PARN: variants seen among roughly 807,000 people sequenced by gnomAD.
The protein encoded by PARN is poly(A)-specific ribonuclease, also known as poly(A)-specific ribonuclease PARN.
Under a neutral mutation model 102.8 loss-of-function variants are expected in PARN, and 71 were observed. The observed-to-expected ratio is 0.69, with a 90% confidence interval of 0.57 to 0.84. The LOEUF is 0.84. PARN is among the 40% of genes least tolerant of loss of function. PARN has a pLI of 0.00. For synonymous variants in PARN, 261 were observed against 252.9 expected, an observed-to-expected ratio of 1.03 and a Z score of -0.30; for missense variants, 782 against 760.9, an observed-to-expected ratio of 1.03 and a Z score of -0.33.
intron 22 of PARN, among the ~76,000 whole-genome samples, chr16:14,479,156 T>C (rs1963239772): frequency 6.6e-6 from 1 of 152,186 alleles, no homozygotes; most frequent in Non-Finnish European, 1.5e-5. Flanking sequence ...TGGTGGCTCA[T>C]ACCTATAATA....
At chr16:14,531,956 G>A (rs1216751794) in intron 21 of PARN, among the ~76,000 whole-genome samples, 1 of 151,602 alleles carries the variant, frequency 6.6e-6, no homozygotes, top group East Asian at 1.9e-4. Flanking sequence ...CCAGCTACTT[G>A]GAAGGCTAAG....
At chr16:14,526,368 G>T (rs960599235) in intron 21 of PARN, among the ~76,000 whole-genome samples, 2 of 151,338 alleles carry the variant, frequency 1.3e-5, no homozygotes, top group Non-Finnish European at 1.5e-5. Flanking sequence ...TAGTACAGAT[G>T]GGGTTTCACC....
At chr16:14,606,050 C>A (rs1971158465) in intron 10 of PARN, among the ~76,000 whole-genome samples, 1 of 152,120 alleles carries the variant, frequency 6.6e-6, no homozygotes, top group South Asian at 2.1e-4. Context: ...GATCAAATGA[C>A]TTACCCTAGG....
chr16:14,451,844 AAAAAAAAAAAAAAAAAAAAAAATAC>A (rs1232755216), intron 22 of PARN, among the ~76,000 whole-genome samples: 2,817 of 56,210 alleles, frequency 0.05, 39 homozygotes, highest in African/African-American at 0.06. Context: ...CCCCGTCTCT[AAAAAAAAAAAAAAAAAAAAAAATAC>A]AAAAAAAAAA....
At chr16:14,507,677 A>G (rs566784116) in intron 21 of PARN, among the ~76,000 whole-genome samples, 7 of 147,208 alleles carry the variant, frequency 4.8e-5, no homozygotes, top group African/African-American at 1.5e-4. Context: ...TGACAGGGGG[A>G]AAAAAAAAAG....
chr16:14,556,258 C>T (rs1481331366), intron 18 of PARN, among the ~76,000 whole-genome samples: 1 of 151,922 alleles, frequency 6.6e-6, no homozygotes, highest in African/African-American at 2.4e-5. Context: ...TCCCAGGTTC[C>T]AGCGATTCAC....
chr16:14,603,856 G>C (rs1971020192), intron 11 of PARN, among the ~76,000 whole-genome samples: 1 of 152,184 alleles, frequency 6.6e-6, no homozygotes, highest in Non-Finnish European at 1.5e-5. Flanking sequence ...AGTATTAAAG[G>C]ATAGTGACAC....
intron 19 of PARN, among the ~76,000 whole-genome samples, chr16:14,555,320 T>C (rs1203182694): frequency 6.6e-6 from 1 of 152,226 alleles, no homozygotes; most frequent in Non-Finnish European, 1.5e-5. Flanking sequence ...ACAGAAATTT[T>C]ACCAAGATAA....
intron 12 of PARN, among the ~76,000 whole-genome samples, chr16:14,596,070 T>C (rs1970487025): frequency 6.6e-6 from 1 of 152,208 alleles, no homozygotes; most frequent in Non-Finnish European, 1.5e-5. Context: ...TTCTTAGTTC[T>C]GTCCAGTGAG....
intron 18 of PARN, among the ~76,000 whole-genome samples, chr16:14,574,339 G>A (rs1237318489): frequency 6.6e-6 from 1 of 152,188 alleles, no homozygotes; most frequent in Non-Finnish European, 1.5e-5. Context: ...GAGGTGACCT[G>A]AGTGCTGTTA....
At chr16:14,557,316 T>C (rs903301390) in intron 18 of PARN, among the ~76,000 whole-genome samples, 1 of 149,754 alleles carries the variant, frequency 6.7e-6, no homozygotes, top group Non-Finnish European at 1.5e-5. Flanking sequence ...TCCCAGCACT[T>C]TGGGAGGCTG....
intron 13 of PARN, among the ~76,000 whole-genome samples, chr16:14,589,327 TGAGGTGGGCAGACTTCTCTTGAACGCAG>T (rs1410768792): frequency 2.4e-4 from 37 of 151,968 alleles, no homozygotes; most frequent in Non-Finnish European, 5.3e-4. Context: ...TTTGGGAGAC[TGAGGTGGGCAGACTTCTCTTGAACGCAG>T]GAGTTCGAGA....
intron 22 of PARN, among the ~76,000 whole-genome samples, chr16:14,467,552 G>A (rs920426283): frequency 6.6e-6 from 1 of 152,208 alleles, no homozygotes; most frequent in Non-Finnish European, 1.5e-5. Flanking sequence ...GACACCTAAT[G>A]TAATACTCAG....
chr16:14,508,106 G>A (rs1964989643), intron 21 of PARN, among the ~76,000 whole-genome samples: 1 of 152,142 alleles, frequency 6.6e-6, no homozygotes, highest in Admixed American at 6.5e-5. Context: ...TCATAAATAT[G>A]TACCTGTTTT....
chr16:14,609,168 T>G (rs999399360), intron 7 of PARN, 45 bp from the exon 8 acceptor site: 4 of 911,690 alleles, frequency 4.4e-6, no homozygotes, highest in Admixed American at 2.5e-5. Flanking sequence ...CTTTAAGGAA[T>G]GAAGTCATCA....
chr16:14,462,292 A>C (rs1390894056), intron 22 of PARN, among the ~76,000 whole-genome samples: 1 of 152,184 alleles, frequency 6.6e-6, no homozygotes, highest in Admixed American at 6.5e-5. Flanking sequence ...AAAGTATTGA[A>C]GGGGGAAAGT....
chr16:14,618,559 G>A (rs1302077889), intron 5 of PARN, among the ~76,000 whole-genome samples: 1 of 151,400 alleles, frequency 6.6e-6, no homozygotes, highest in Non-Finnish European at 1.5e-5. Flanking sequence ...TACTCAGGAG[G>A]CTGAGGCAGG....
At position 14,482,827 on chromosome 16, in the gene PARN, G is replaced by A. The variant is rs1421210480; in HGVS notation, c.1481C>T (p.Ala494Val). ...TTCTGCATATTTGCTGGTATTGACAGCTACAAGGAAAAGAAAAAAAAATAA... is the reference window on the plus strand; with the variant it reads ...TTCTGCATATTTGCTGGTATTGACAACTACAAGGAAAAGAAAAAAAAATAA... ...SLSQPEQVKIAVNTSKYAESY... is the reference protein window; with the variant it reads ...SLSQPEQVKIVVNTSKYAESY... The change falls in exon 22 of 24, where the codon GCT (alanine) becomes GTT (valine). Residue 494 changes from alanine (A) to valine (V), a missense_variant and splice_region_variant. Coordinates refer to ENST00000437198, the MANE Select transcript of PARN (RefSeq NM_002582.4). 6.3e-7 allele frequency: 1 copy of A among 1,591,530 alleles called. No homozygotes were observed. Among genetic ancestry groups the A allele is most frequent in the Non-Finnish European group, 8.5e-7 (1 of 1,172,636 alleles).
intron 10 of PARN, among the ~76,000 whole-genome samples, chr16:14,604,753 T>C (rs1034925177): frequency 5.3e-5 from 8 of 151,492 alleles, no homozygotes; most frequent in Admixed American, 4.0e-4. Context: ...GTAGCCAAGA[T>C]TACAGGTGCG....
Sources: gnomAD v4.1 joint callset for allele counts (sites outside exome capture counted in the v4.1 genomes callset) on GRCh38, gnomAD v4.1.1 for gene constraint, MANE v1.5 for transcripts, NCBI Gene and HGNC (gene_info 2026-07-23, HGNC 2026-07-21) for gene names.